The following ADAMTSL1 variants were observed in gnomAD, a reference collection of about 807,000 sequenced individuals.
The protein encoded by ADAMTSL1 is ADAMTS-like protein 1.
In ADAMTSL1, 126 loss-of-function variants were observed where a neutral mutation model predicts 201.8. That is an observed-to-expected ratio of 0.62 (90% CI 0.54 to 0.72). ADAMTSL1 has a LOEUF of 0.72. Ranked by LOEUF, ADAMTSL1 falls within the 30% of genes least tolerant of loss-of-function variation. The pLI is 0.00. For missense variants in ADAMTSL1, 2,679 were observed against 2,277.8 expected (o/e 1.18, Z -3.59); for synonymous variants, 1,121 against 903.4 (o/e 1.24, Z -4.32).
rs1820954729 is a variant in ADAMTSL1, at chr9:18,775,893, G to A, written c.2548G>A (p.Ala850Thr). Residue 850 changes from alanine to threonine, a missense_variant, in exon 18 of 29, where the codon GCA (alanine) becomes ACA (threonine). Ala to Thr is a moderately conservative substitution (Grantham distance 58, BLOSUM62 0). Coordinates refer to ENST00000380548, the MANE Select transcript of ADAMTSL1 (RefSeq NM_001040272.6). ...CAGGCCCTGTATGCTGGCAACCTGT[G>A]CAAGTAAGTATGTCAGGGCTCTGGG... ...SIRPCMLATC[A>T]RPGRPSTKHS... 3 of 1,591,892 alleles carry A rather than the reference G, an allele frequency of 1.9e-6. No individual in the cohort carries two copies. The highest frequency in any genetic ancestry group is 2.6e-6 in the Non-Finnish European group (3 of 1,168,290).
chr9:18,282,679 C>T (rs1271792858), intron 2 of ADAMTSL1, among the ~76,000 whole-genome samples: 1 of 152,162 alleles, frequency 6.6e-6, no homozygotes, highest in Non-Finnish European at 1.5e-5. Flanking sequence ...AGGCAGATCA[C>T]CTGAGGTCCA....
rs865971309 is a variant in ADAMTSL1 at position 18,278,913 on chromosome 9, A to G, written c.207+114932A>G. ...TTTCAAATGACCTGTCTTTGAGCTC[A>G]CTGGTTTTTTTTTCTTCTGTTTCAT... On this transcript the variant is annotated intron_variant, in intron 2 of 29. Coordinates refer to the ADAMTSL1 transcript ENST00000680146. Among the ~76,000 whole-genome samples the G allele has an allele frequency of 1.9e-4, 29 of 148,726 alleles. 1 individual carries two copies. The highest frequency in any genetic ancestry group is 6.7e-4 in the African/African-American group (27 of 40,504).
chr9:18,458,286 A>G (rs1820682147), intron 2 of ADAMTSL1, among the ~76,000 whole-genome samples: 1 of 152,202 alleles, frequency 6.6e-6, no homozygotes, highest in African/African-American at 2.4e-5. Flanking sequence ...AAACACATAC[A>G]CACACACCTG....
chr9:18,629,288 T>C (rs1353948807), intron 5 of ADAMTSL1, among the ~76,000 whole-genome samples: 1 of 152,138 alleles, frequency 6.6e-6, no homozygotes, highest in East Asian at 1.9e-4. Flanking sequence ...CAATAGTGAA[T>C]AGGAATGATG....
At chr9:18,659,919 T>TA (rs5896794) in intron 8 of ADAMTSL1, among the ~76,000 whole-genome samples, 25 of 151,648 alleles carry the variant, frequency 1.6e-4, no homozygotes, top group Non-Finnish European at 2.5e-4. Flanking sequence ...TTGTTTTTTT[T>TA]AAAAAAAAAA....
chr9:18,580,408 G>A (rs963808004), intron 4 of ADAMTSL1, among the ~76,000 whole-genome samples: 1 of 152,154 alleles, frequency 6.6e-6, no homozygotes, highest in African/African-American at 2.4e-5. Context: ...ATGTCCACCA[G>A]TTATTCCAAA....
At chr9:18,748,004 A>C (rs2436781) in intron 15 of ADAMTSL1, among the ~76,000 whole-genome samples, 120,860 of 152,154 alleles carry the variant, frequency 0.79, 48,108 homozygotes, top group Non-Finnish European at 0.82. Context: ...GGGAGACCCT[A>C]TGTCTCCTGC....
At chr9:18,180,532 CAAAA>C (rs71333030) in intron 2 of ADAMTSL1, among the ~76,000 whole-genome samples, 1 of 92,148 alleles carries the variant, frequency 1.1e-5, no homozygotes, top group African/African-American at 5.2e-5. Context: ...GACTCCGTGT[CAAAA>C]AAAAAAAAAA....
chr9:17,939,208 C>T (rs1410751469), intron 1 of ADAMTSL1, among the ~76,000 whole-genome samples: 1 of 152,078 alleles, frequency 6.6e-6, no homozygotes, highest in African/African-American at 2.4e-5. Context: ...TTGTTTCTTA[C>T]TTGGTCCCTT....
In ADAMTSL1 at chr9:18,356,475, C is replaced by T. The variant is rs758629613; in HGVS notation, c.208-148354C>T. Among the ~76,000 whole-genome samples, 68 of 141,138 alleles carry T rather than the reference C, an allele frequency of 4.8e-4. 1 individual carries two copies. Among genetic ancestry groups the T allele is most frequent in the South Asian group, 6.8e-4 (3 of 4,434 alleles). The allele number at this position is 141,138 out of a possible 152,430, so 92.6% of individuals were successfully genotyped here. The stretch of plus-strand genomic sequence containing the variant: ...CCTAGAAGTTCAAGGCTTCAGTGAG[C>T]TATGATTGTGCTAGTGTATCCAGCT... On this transcript the variant is annotated intron_variant, in intron 2 of 29. Coordinates refer to the ADAMTSL1 transcript ENST00000680146.
intron 19 of ADAMTSL1, 99 bp downstream of exon 19, chr9:18,778,005 AG>A: frequency 6.8e-7 from 1 of 1,461,662 alleles, no homozygotes; most frequent in Non-Finnish European, 9.1e-7. Flanking sequence ...TTCCAGGGGT[AG>A]GGCTTAGAGC....
intron 2 of ADAMTSL1, among the ~76,000 whole-genome samples, chr9:18,290,266 A>G (rs1350123639): frequency 3.4e-5 from 5 of 146,466 alleles, no homozygotes. Flanking sequence ...GAAAGCCGCT[A>G]TGCCAGGGGA....
intron 8 of ADAMTSL1, among the ~76,000 whole-genome samples, chr9:18,658,238 T>C (rs1397266366): frequency 6.6e-6 from 1 of 152,158 alleles, no homozygotes; most frequent in Admixed American, 6.5e-5. Context: ...CCTCCCAAAG[T>C]GCTGGGATTA....
chr9:18,296,312 T>C (rs1050722571), intron 2 of ADAMTSL1, among the ~76,000 whole-genome samples: 5 of 152,172 alleles, frequency 3.3e-5, no homozygotes, highest in Admixed American at 1.3e-4. Context: ...CTGCCTCAAA[T>C]TGACAAGCTG....
intron 1 of ADAMTSL1, among the ~76,000 whole-genome samples, chr9:18,034,438 C>G (rs1264037697): frequency 1.3e-5 from 2 of 152,176 alleles, no homozygotes; most frequent in African/African-American, 4.8e-5. Flanking sequence ...CCTCCTGTTG[C>G]ATATTTCTAT....
chr9:18,551,442 T>A (rs1020958419), intron 3 of ADAMTSL1, among the ~76,000 whole-genome samples: 4 of 151,896 alleles, frequency 2.6e-5, no homozygotes, highest in Non-Finnish European at 5.9e-5. Context: ...TTGAAAGAGT[T>A]TATTTTATAT....
chr9:18,737,510 A>C (rs532966173), intron 15 of ADAMTSL1, among the ~76,000 whole-genome samples: 110 of 152,238 alleles, frequency 7.2e-4, no homozygotes, highest in African/African-American at 2.6e-3. Context: ...GGTGCATGTC[A>C]AACTCTCATC....
At chr9:17,942,709 C>A (rs1458239045) in intron 1 of ADAMTSL1, among the ~76,000 whole-genome samples, 2 of 152,168 alleles carry the variant, frequency 1.3e-5, no homozygotes, top group Non-Finnish European at 2.9e-5. Context: ...GTTTCAGCAG[C>A]CACTGGAAGC....
Position 18,910,616 on chromosome 9 carries a change from T to G in ADAMTSL1, c.*2068T>G, listed in dbSNP as rs1408449263. The G allele has an allele frequency of 1.3e-5, 2 of 152,250 alleles. No homozygotes were observed. Among genetic ancestry groups the G allele is most frequent in the Non-Finnish European group, 2.9e-5 (2 of 68,050 alleles). 9.4% of individuals were successfully genotyped at this position (152,250 alleles called of 1,614,324 possible). On this transcript the variant is annotated 3_prime_UTR_variant, in exon 29 of 29. Transcript: ENST00000380548. ...TAAAGACAGACAAATTCCATACTAC[T>G]ACTAATGTGGTTAATTATTTCTAGT...
Sources: allele counts gnomAD v4.1 joint callset (sites outside exome capture counted in the v4.1 genomes callset), GRCh38; gene constraint gnomAD v4.1.1; transcripts MANE v1.5; gene names NCBI Gene and HGNC (gene_info 2026-07-23, HGNC 2026-07-21).